MYO16: variants seen among roughly 807,000 people sequenced by gnomAD.
The protein encoded by MYO16 is myosin XVI.
Under a neutral mutation model 205.3 loss-of-function variants are expected in MYO16, and 94 were observed. The observed-to-expected ratio is 0.46, with a 90% CI of 0.39 to 0.54. MYO16 has a LOEUF of 0.54. MYO16 is among the 20% of genes least tolerant of loss of function. The pLI is 0.00. For synonymous variants in MYO16, 988 were observed against 954.0 expected, an observed-to-expected ratio of 1.04 and a Z score of -0.66; for missense variants, 2,315 against 2,387.5, an observed-to-expected ratio of 0.97 and a Z score of 0.63.
chr13:108,506,193 C>CA, the MYO16 span, among the ~76,000 whole-genome samples: 35 of 151,994 alleles, frequency 2.3e-4, no homozygotes, highest in Middle Eastern at 3.4e-3. Context: ...CAATTTTTGC[C>CA]AAAAAATGCC....
At chr13:108,617,770 C>T (rs1879400600) in intron 1 of MYO16, among the ~76,000 whole-genome samples, 1 of 152,170 alleles carries the variant, frequency 6.6e-6, no homozygotes, top group Admixed American at 6.5e-5. Context: ...GATGGTTTTA[C>T]AGGGAGCCAA....
intron 9 of MYO16, among the ~76,000 whole-genome samples, chr13:108,837,608 C>A (rs767589081): frequency 1.4e-4 from 22 of 152,150 alleles, no homozygotes; most frequent in Middle Eastern, 3.4e-3. Context: ...AAACTGTGAC[C>A]CAGAGATTTC....
At chr13:109,143,452 G>A (rs1877194933) in intron 32 of MYO16, among the ~76,000 whole-genome samples, 1 of 152,040 alleles carries the variant, frequency 6.6e-6, no homozygotes, top group Non-Finnish European at 1.5e-5. Flanking sequence ...TTCATTCCAA[G>A]GAACAAAATG....
chr13:108,673,312 GCT>G lies in MYO16; in HGVS notation c.292+7164_292+7165del, dbSNP rs369020212. Among the ~76,000 whole-genome samples, 288 of 150,920 alleles carry G rather than the reference GCT, an allele frequency of 1.9e-3. 1 individual carries two copies. The highest frequency in any genetic ancestry group is 6.7e-3 in the African/African-American group (276 of 41,170). ...AAAGGCCAGGAGAAGTATTCTTTATGCTTTGGGGTTTTTCATCTTCTTTCCCT... is the reference window on the plus strand; with the variant it reads ...AAAGGCCAGGAGAAGTATTCTTTATGTTGGGGTTTTTCATCTTCTTTCCCT... On this transcript the variant is annotated intron_variant, in intron 2 of 34. Coordinates refer to ENST00000457511, the MANE Select transcript of MYO16 (RefSeq NM_001198950.3).
intron 22 of MYO16, among the ~76,000 whole-genome samples, chr13:109,012,649 C>G (rs1220972671): frequency 6.6e-6 from 1 of 151,896 alleles, no homozygotes; most frequent in Non-Finnish European, 1.5e-5. Context: ...GGTTGGGGCC[C>G]TCTAGTCTAA....
chr13:108,558,781 C>G, the MYO16 span, among the ~76,000 whole-genome samples: 1 of 152,214 alleles, frequency 6.6e-6, no homozygotes, highest in African/African-American at 2.4e-5. Flanking sequence ...TGCAAGAAAA[C>G]AGTTCAAACT....
intron 34 of MYO16, among the ~76,000 whole-genome samples, chr13:109,198,929 T>C (rs1880275273): frequency 6.6e-6 from 1 of 152,200 alleles, no homozygotes; most frequent in African/African-American, 2.4e-5. Flanking sequence ...TCAGCCACAC[T>C]GACTGTGCTC....
chr13:108,760,473 GTTT>G (rs34136071), intron 4 of MYO16, among the ~76,000 whole-genome samples: 1 of 148,372 alleles, frequency 6.7e-6, no homozygotes, highest in African/African-American at 2.5e-5. Flanking sequence ...ATAACTTAGG[GTTT>G]TTTTTTTTAT....
At chr13:109,090,100 C>A (rs1888571477) in intron 27 of MYO16, among the ~76,000 whole-genome samples, 1 of 152,178 alleles carries the variant, frequency 6.6e-6, no homozygotes, top group Non-Finnish European at 1.5e-5. Flanking sequence ...GCAGCCTGTT[C>A]TCCTTAGTTT....
intron 4 of MYO16, among the ~76,000 whole-genome samples, chr13:108,776,038 AG>A (rs1886113959): frequency 6.6e-6 from 1 of 152,192 alleles, no homozygotes; most frequent in African/African-American, 2.4e-5. Flanking sequence ...AAACAGCAAA[AG>A]CTTCACTTGG....
intron 2 of MYO16, among the ~76,000 whole-genome samples, chr13:108,707,761 C>A (rs1175329616): frequency 6.6e-6 from 1 of 152,144 alleles, no homozygotes; most frequent in South Asian, 2.1e-4. Context: ...AAAATCTTAG[C>A]AGTTTTTCTC....
At chr13:109,082,394 C>A (rs1435861885) in intron 27 of MYO16, among the ~76,000 whole-genome samples, 1 of 152,054 alleles carries the variant, frequency 6.6e-6, no homozygotes, top group Non-Finnish European at 1.5e-5. Context: ...AACTGAAGGG[C>A]TAGTTGTGAA....
At chr13:109,170,642 C>T (rs531198998) in intron 33 of MYO16, among the ~76,000 whole-genome samples, 1 of 151,096 alleles carries the variant, frequency 6.6e-6, no homozygotes, top group East Asian at 1.9e-4. Context: ...ACTACAGCTT[C>T]GGAAATGATC....
intron 20 of MYO16, among the ~76,000 whole-genome samples, chr13:108,983,159 T>C (rs1036607761): frequency 6.6e-6 from 1 of 152,176 alleles, no homozygotes; most frequent in Non-Finnish European, 1.5e-5. Context: ...AAAATAAATA[T>C]ACCATGCAAA....
At chr13:108,676,322 G>A (rs1182812831) in intron 2 of MYO16, among the ~76,000 whole-genome samples, 1 of 150,866 alleles carries the variant, frequency 6.6e-6, no homozygotes, top group African/African-American at 2.4e-5. Flanking sequence ...AAGGAGCGCT[G>A]AGCAATATTT....
chr13:108,885,586 G>T (rs1879830558), intron 13 of MYO16, among the ~76,000 whole-genome samples: 1 of 152,170 alleles, frequency 6.6e-6, no homozygotes, highest in Admixed American at 6.6e-5. Flanking sequence ...ACTGTCAATT[G>T]GTGAGACAGG....
chr13:108,604,999 T>A (rs1251987137), intron 1 of MYO16, among the ~76,000 whole-genome samples: 2 of 152,208 alleles, frequency 1.3e-5, no homozygotes, highest in African/African-American at 4.8e-5. Context: ...TATCCATGTG[T>A]AAACATTTCT....
At chr13:109,202,175 GTA>G (rs1566561303) in intron 34 of MYO16, among the ~76,000 whole-genome samples, 1 of 151,888 alleles carries the variant, frequency 6.6e-6, no homozygotes, top group East Asian at 1.9e-4. Context: ...GCATGTGCAC[GTA>G]TTTTTTTTGT....
the MYO16 span, among the ~76,000 whole-genome samples, chr13:108,548,767 G>T: frequency 6.6e-6 from 1 of 152,076 alleles, no homozygotes; most frequent in Admixed American, 6.5e-5. Flanking sequence ...GCTCACTTCA[G>T]TATTTTAGGT....
Sources: allele counts gnomAD v4.1 joint callset (sites outside exome capture counted in the v4.1 genomes callset), GRCh38; gene constraint gnomAD v4.1.1; transcripts MANE v1.5; gene names NCBI Gene and HGNC (gene_info 2026-07-23, HGNC 2026-07-21).